Variants in ADGRL3 observed in about 807,000 individuals in gnomAD.
The protein encoded by ADGRL3 is adhesion G protein-coupled receptor L3, also known as calcium-independent alpha-latrotoxin receptor 3.
A neutral mutation model predicts 153.5 loss-of-function variants in ADGRL3; 62 were observed. That is an observed-to-expected ratio of 0.40 (90% CI 0.33 to 0.50). The LOEUF (loss-of-function observed/expected upper bound fraction) is 0.50. Among genes scored for constraint, ADGRL3 ranks in the 20% least tolerant of loss-of-function variants. The pLI, the probability that ADGRL3 is intolerant of heterozygous loss-of-function variation, is 0.47. For synonymous variants in ADGRL3, 710 were observed against 672.5 expected (o/e 1.06, Z -0.86); for missense variants, 1,641 against 1,859.4 (o/e 0.88, Z 2.16).
At chr4:61,828,685 A>G (rs4860104) in intron 9 of ADGRL3, among the ~76,000 whole-genome samples, 84,505 of 151,712 alleles carry the variant, frequency 0.56, 25,150 homozygotes, top group African/African-American at 0.76. Context: ...GGAGTACTTC[A>G]TTTTGTACTT....
intron 5 of ADGRL3, among the ~76,000 whole-genome samples, chr4:61,595,856 G>A (rs534731952): frequency 2.3e-4 from 35 of 152,258 alleles, no homozygotes; most frequent in African/African-American, 8.4e-4. Flanking sequence ...ATTCCCCTCT[G>A]TCTAGGGCTG....
At chr4:61,725,073 T>G (rs577127476) in intron 6 of ADGRL3, among the ~76,000 whole-genome samples, 13 of 152,268 alleles carry the variant, frequency 8.5e-5, no homozygotes, top group Admixed American at 8.5e-4. Flanking sequence ...ATAGTGCCAT[T>G]TAGTCATTGC....
In ADGRL3 at chr4:61,253,875, A is replaced by G. The variant is rs535608469; in HGVS notation, c.-240+52110A>G. Among the ~76,000 whole-genome samples, 22 of 152,300 alleles carry G rather than the reference A, an allele frequency of 1.4e-4. No individual in the cohort carries two copies. The South Asian group carries it at 4.6e-3, about 32-fold the overall frequency. Reference sequence around the variant, plus strand: ...AAGTTAGTAAATTGTTATCTCTGTGAGAGTTGCACCAGATGATCTCTAAAT... The same window carrying G: ...AAGTTAGTAAATTGTTATCTCTGTGGGAGTTGCACCAGATGATCTCTAAAT... On this transcript the variant is annotated intron_variant, in intron 1 of 26. Transcript: ENST00000683033.
At chr4:61,337,060 G>GT (rs35224735) in intron 1 of ADGRL3, among the ~76,000 whole-genome samples, 95,575 of 151,444 alleles carry the variant, frequency 0.63, 30,554 homozygotes, top group Middle Eastern at 0.72. Context: ...ATTGCCCTTT[G>GT]TTTTTTTGCA....
At chr4:61,481,382 G>A (rs1445294183) in intron 2 of ADGRL3, among the ~76,000 whole-genome samples, 1 of 152,050 alleles carries the variant, frequency 6.6e-6, no homozygotes, top group African/African-American at 2.4e-5. Flanking sequence ...ATAGGAAGAT[G>A]GACCTCAAAA....
chr4:61,882,660 A>AT (rs1267104876), intron 9 of ADGRL3, among the ~76,000 whole-genome samples: 1 of 152,148 alleles, frequency 6.6e-6, no homozygotes, highest in Non-Finnish European at 1.5e-5. Flanking sequence ...TATGGCTCAC[A>AT]TACTGCGCTC....
chr4:61,454,747 C>T (rs1350708525), intron 2 of ADGRL3, among the ~76,000 whole-genome samples: 1 of 152,022 alleles, frequency 6.6e-6, no homozygotes, highest in Non-Finnish European at 1.5e-5. Flanking sequence ...ATGCAAGACT[C>T]ATATAAGAAT....
chr4:61,370,325 G>T (rs1472086337), intron 1 of ADGRL3, among the ~76,000 whole-genome samples: 1 of 151,232 alleles, frequency 6.6e-6, no homozygotes, highest in Non-Finnish European at 1.5e-5. Flanking sequence ...TGATGTTAGG[G>T]TGTCAATTTT....
At chr4:61,864,686 A>C (rs2098383017) in intron 9 of ADGRL3, among the ~76,000 whole-genome samples, 1 of 152,206 alleles carries the variant, frequency 6.6e-6, no homozygotes, top group Admixed American at 6.5e-5. Flanking sequence ...AATAAAGCTA[A>C]GGTCACCAGC....
At chr4:61,305,707 G>A (rs78475340) in intron 1 of ADGRL3, among the ~76,000 whole-genome samples, 1,697 of 152,150 alleles carry the variant, frequency 0.011, 34 homozygotes, top group African/African-American at 0.038. Context: ...GAACTTGAGC[G>A]TCAAGCAGTT....
intron 5 of ADGRL3, among the ~76,000 whole-genome samples, chr4:61,633,109 A>G (rs558432318): frequency 4.6e-5 from 7 of 152,228 alleles, no homozygotes; most frequent in South Asian, 2.1e-4. Flanking sequence ...GAGAAAGTCA[A>G]TTGCATTGTG....
intron 1 of ADGRL3, among the ~76,000 whole-genome samples, chr4:61,268,958 T>C (rs1287502418): frequency 6.6e-6 from 1 of 151,654 alleles, no homozygotes; most frequent in Admixed American, 6.6e-5. Context: ...AAGAAGAGAA[T>C]GGTAAGTGAT....
intron 8 of ADGRL3, among the ~76,000 whole-genome samples, chr4:61,784,306 T>C (rs962553941): frequency 7.2e-5 from 11 of 152,168 alleles, no homozygotes; most frequent in African/African-American, 2.7e-4. Flanking sequence ...AAATGTTAAG[T>C]CCTCTGCTTA....
intron 25 of ADGRL3, among the ~76,000 whole-genome samples, chr4:62,056,814 A>G (rs1737275611): frequency 6.6e-6 from 1 of 152,272 alleles, no homozygotes; most frequent in African/African-American, 2.4e-5. Context: ...ATGAAGAACC[A>G]TCAGAGTAAA....
intron 2 of ADGRL3, among the ~76,000 whole-genome samples, chr4:61,452,649 G>A (rs1156950382): frequency 6.6e-6 from 1 of 152,082 alleles, no homozygotes; most frequent in Non-Finnish European, 1.5e-5. Context: ...AAATATATAA[G>A]TCGAATCCTC....
chr4:61,764,023 T>A (rs2096943315), intron 8 of ADGRL3, among the ~76,000 whole-genome samples: 1 of 152,166 alleles, frequency 6.6e-6, no homozygotes, highest in Non-Finnish European at 1.5e-5. Context: ...AACAAACATA[T>A]CCAAGTCATG....
At chr4:61,243,974 A>G (rs1360387608) in intron 1 of ADGRL3, among the ~76,000 whole-genome samples, 1 of 152,064 alleles carries the variant, frequency 6.6e-6, no homozygotes, top group Non-Finnish European at 1.5e-5. Context: ...ACGTTTCTAT[A>G]GTGATGGTTA....
At chr4:61,357,825 A>G (rs888480719) in intron 1 of ADGRL3, among the ~76,000 whole-genome samples, 1 of 152,150 alleles carries the variant, frequency 6.6e-6, no homozygotes, top group Non-Finnish European at 1.5e-5. Context: ...TTAAAATGGA[A>G]CACTTCTATG....
At chr4:61,787,690 A>G (rs1001895628) in intron 8 of ADGRL3, among the ~76,000 whole-genome samples, 2 of 152,020 alleles carry the variant, frequency 1.3e-5, no homozygotes, top group African/African-American at 2.4e-5. Context: ...ACCCAGCCTT[A>G]TTTCCAAAAT....
Sources: allele counts gnomAD v4.1 joint callset (sites outside exome capture counted in the v4.1 genomes callset), GRCh38; gene constraint gnomAD v4.1.1; transcripts MANE v1.5; gene names NCBI Gene and HGNC (gene_info 2026-07-23, HGNC 2026-07-21).